UBR4: variants seen among roughly 807,000 people sequenced by gnomAD.
UBR4 encodes E3 ubiquitin-protein ligase UBR4.
UBR4 carries 124 observed loss-of-function variants against 575.6 expected under a neutral mutation model. That is an observed-to-expected ratio of 0.22 (90% CI 0.19 to 0.25). The LOEUF (loss-of-function observed/expected upper bound fraction) is 0.25, where lower values mean the gene tolerates loss of function less well. Ranked by LOEUF, UBR4 falls within the 10% of genes least tolerant of loss-of-function variation. The pLI, the probability that UBR4 is intolerant of heterozygous loss-of-function variation, is 1.00. For synonymous variants in UBR4, 2,455 were observed against 2,473.7 expected (o/e 0.99, Z 0.22); for missense variants, 4,818 against 6,478.8 (o/e 0.74, Z 8.80).
intron 33 of UBR4, 70 bp from the exon 34 acceptor site, chr1:19,163,897 A>C: frequency 4.0e-6 from 6 of 1,495,270 alleles, no homozygotes; most frequent in South Asian, 1.1e-5. Context: ...GAAATGAGGC[A>C]TCTTCATTAA....
intron 20 of UBR4, 117 bp from the exon 21 acceptor site, chr1:19,175,150 G>T: frequency 1.1e-6 from 1 of 937,016 alleles, no homozygotes; most frequent in Non-Finnish European, 1.6e-6. Context: ...TAACAATATT[G>T]ACATCTGGAG....
chr1:19,119,919 T>C (rs1175138634), intron 69 of UBR4, among the ~76,000 whole-genome samples: 1 of 152,234 alleles, frequency 6.6e-6, no homozygotes, highest in Non-Finnish European at 1.5e-5. Context: ...TGAGCTTTTT[T>C]AGCCTGAAGG....
chr1:19,086,890 A>G, intron 99 of UBR4, 69 bp from the exon 100 acceptor site: 1 of 1,580,770 alleles, frequency 6.3e-7, no homozygotes. Flanking sequence ...AGCAGAATAG[A>G]GGGGAACTGC....
intron 65 of UBR4, among the ~76,000 whole-genome samples, chr1:19,123,372 A>G (rs894978839): frequency 4.7e-5 from 7 of 150,462 alleles, no homozygotes; most frequent in African/African-American, 1.7e-4. Context: ...AATTGCTTGA[A>G]CCCAGAGGGC....
intron 17 of UBR4, among the ~76,000 whole-genome samples, chr1:19,182,543 C>T (rs941663139): frequency 2.0e-5 from 3 of 152,102 alleles, no homozygotes; most frequent in Admixed American, 1.3e-4. Context: ...GCAGAATTGA[C>T]ATACTGTTTT....
In UBR4 at chr1:19,081,592, G is replaced by T. The variant is rs2076509599; in HGVS notation, c.15009-19C>A. The T allele has an allele frequency of 6.2e-7, 1 of 1,613,688 alleles. No homozygotes were observed. The highest frequency in any genetic ancestry group is 1.7e-5 in the Admixed American group (1 of 59,978). Reference sequence around the variant, plus strand: ...TCGGGTTCTAGAAGAAAAGCGGCATGATAAAATAAAAGCAGGGTGGAAGCA... The same window carrying T: ...TCGGGTTCTAGAAGAAAAGCGGCATTATAAAATAAAAGCAGGGTGGAAGCA... On this transcript the variant is annotated intron_variant, in intron 102 of 105. Coordinates refer to ENST00000375254, the MANE Select transcript of UBR4 (RefSeq NM_020765.3).
At chr1:19,142,406 C>A (rs2084049226) in intron 55 of UBR4, among the ~76,000 whole-genome samples, 1 of 152,200 alleles carries the variant, frequency 6.6e-6, no homozygotes, top group Non-Finnish European at 1.5e-5. Flanking sequence ...AGAGACCTCA[C>A]CTTCCACTCG....
chr1:19,132,605 T>TAAAAAAAAAAAA lies in UBR4; in HGVS notation c.8907-3543_8907-3532dup. On this transcript the variant is annotated intron_variant, in intron 60 of 105. Transcript: ENST00000375254. ...ACAACAAAAAAAAAGTAAAAAATGGTAAAAAAAAAAAAAAAAAAAAGTAAG... is the reference window on the plus strand; with the variant it reads ...ACAACAAAAAAAAAGTAAAAAATGGTAAAAAAAAAAAAAAAAAAAAAAAAAAAAAAAAGTAAG... Among the ~76,000 whole-genome samples, 7 of 24,086 alleles carry TAAAAAAAAAAAA rather than the reference T, an allele frequency of 2.9e-4. 1 individual carries two copies. The highest frequency in any genetic ancestry group is 1.0e-3 in the South Asian group (1 of 998). 15.8% of individuals were successfully genotyped at this position (24,086 alleles called of 152,430 possible).
At chr1:19,114,112 T>C (rs765587800) in intron 75 of UBR4, 42 bp from the exon 76 acceptor site, 1 of 1,593,550 alleles carries the variant, frequency 6.3e-7, no homozygotes. Flanking sequence ...GCTTTTTGGC[T>C]GATGACTTTC....
intron 43 of UBR4, 29 bp downstream of exon 43, chr1:19,155,412 T>C (rs114158465): frequency 0.034 from 53,943 of 1,587,300 alleles, 1,401 homozygotes; most frequent in Admixed American, 0.13. Context: ...AAATCCGGAA[T>C]AGAAGGAAAT....
chr1:19,100,568 C>T lies in UBR4; in HGVS notation c.13029G>A (p.Glu4343=). 1 of 1,613,976 alleles carries T rather than the reference C, an allele frequency of 6.2e-7. No individual in the cohort carries two copies. ...TCACAAAGAACTCAGTGACTTCATTCTCCTCCTGGAGGACAGACAGAAGGG... is the reference window on the plus strand; with the variant it reads ...TCACAAAGAACTCAGTGACTTCATTTTCCTCCTGGAGGACAGACAGAAGGG... The part of the protein sequence containing the change: ...ERLCSIIYPE[E]NEVTEFFVTL... The change falls in exon 89 of 106, where the codon GAG becomes GAA. Residue 4343 remains glutamate (E), a synonymous_variant. Transcript: ENST00000375254. This position sits in a 1 kb window ranked among gnomAD's most constrained non-coding sequence, Gnocchi z 4.2.
At chr1:19,205,026 T>G (rs2092937643) in intron 1 of UBR4, among the ~76,000 whole-genome samples, 1 of 151,922 alleles carries the variant, frequency 6.6e-6, no homozygotes, top group African/African-American at 2.4e-5. Context: ...GGAAGGAAAA[T>G]AAAGAGATAG....
At chr1:19,121,528 T>C in intron 67 of UBR4, 94 bp from the exon 68 acceptor site, 2 of 1,456,046 alleles carry the variant, frequency 1.4e-6, no homozygotes, top group Admixed American at 2.3e-5. Flanking sequence ...GAGACTGCCC[T>C]GTTCTCACCA....
chr1:19,141,217 C>G (rs562377978), intron 57 of UBR4, 130 bp downstream of exon 57: 10 of 1,257,864 alleles, frequency 7.9e-6, no homozygotes, highest in Non-Finnish European at 8.8e-6. Flanking sequence ...TATCTCTGAA[C>G]AGCTCTCACC....
At position 19,192,412 on chromosome 1, in the gene UBR4, C is replaced by T. The variant is rs372000029; in HGVS notation, c.1204-34G>A. ...AAAGGCACAAAATAAAAAACATAAT[C>T]ATAGAGATATTTACATCTCAGAGAG... On this transcript the variant is annotated intron_variant, in intron 10 of 105. Coordinates refer to ENST00000375254, the MANE Select transcript of UBR4 (RefSeq NM_020765.3). 15 of 1,614,128 alleles carry T rather than the reference C, an allele frequency of 9.3e-6. No individual in the cohort carries two copies. The African/African-American group carries it at 1.9e-4, about 20-fold the overall frequency.
In UBR4 at chr1:19,088,059, C is replaced by G; in HGVS notation, c.14431-130G>C. On this transcript the variant is annotated intron_variant, in intron 98 of 105. Coordinates refer to ENST00000375254, the MANE Select transcript of UBR4 (RefSeq NM_020765.3). The surrounding 1 kb of genome is among the most constrained non-coding windows in gnomAD (Gnocchi z 4.0). ...AGGACAGGTGCATGAGAGGAAAGCC[C>G]TTGAGCTGTCTTCTAATAAGGATAA... The G allele has an allele frequency of 1.5e-6, 1 of 649,756 alleles. No homozygotes were observed. Among genetic ancestry groups the G allele is most frequent in the Non-Finnish European group, 2.8e-6 (1 of 362,836 alleles). The allele number at this position is 649,756 out of a possible 1,614,324, so 40.2% of individuals were successfully genotyped here.
rs377241721 is a variant in UBR4 at position 19,198,094 on chromosome 1, C to A, written c.649-45G>T. The A allele has an allele frequency of 6.1e-4, 967 of 1,579,808 alleles. 1 individual carries two copies. The highest frequency in any genetic ancestry group is 7.9e-4 in the Non-Finnish European group (914 of 1,153,896). ...CTGTCAAGATACTATTATCTCTTCACCAAACCAACTGTCAAAAGTGAGCAG... is the reference window on the plus strand; with the variant it reads ...CTGTCAAGATACTATTATCTCTTCAACAAACCAACTGTCAAAAGTGAGCAG... On this transcript the variant is annotated intron_variant, in intron 5 of 105. Coordinates refer to ENST00000375254, the MANE Select transcript of UBR4 (RefSeq NM_020765.3).
chr1:19,144,750 C>A, intron 54 of UBR4, 36 bp downstream of exon 54: 1 of 1,577,542 alleles, frequency 6.3e-7, no homozygotes, highest in Admixed American at 1.8e-5. Flanking sequence ...TATTCCCTGG[C>A]TGCTGCGAGC....
rs569553473 is a variant in UBR4, at chr1:19,114,118, C to T, written c.11203-48G>A. The T allele has an allele frequency of 3.8e-6, 6 of 1,590,760 alleles. No homozygotes were observed. In the South Asian group the frequency reaches 6.7e-5, roughly 18 times the overall value. On this transcript the variant is annotated intron_variant, in intron 75 of 105. Coordinates refer to ENST00000375254, the MANE Select transcript of UBR4 (RefSeq NM_020765.3). ...TGAGTGAAGGCTTTTTGGCTGATGA[C>T]TTTCCCTGAGTAATCCTCACTGCTA...
Sources: gnomAD v4.1 joint callset for allele counts (sites outside exome capture counted in the v4.1 genomes callset) on GRCh38, gnomAD v4.1.1 for gene constraint, Gnocchi (gnomAD v3.1) non-coding constraint, MANE v1.5 for transcripts, NCBI Gene and HGNC (gene_info 2026-07-23, HGNC 2026-07-21) for gene names.